Variants in SIRPB1 observed in about 807,000 individuals in gnomAD.
The protein encoded by SIRPB1 is signal regulatory protein beta 1, also known as signal-regulatory protein beta-1.
In SIRPB1, 28 loss-of-function variants were observed where a neutral mutation model predicts 34.1. That is an observed-to-expected ratio of 0.82 (90% CI 0.61 to 1.12). SIRPB1 has a LOEUF of 1.12. SIRPB1 is among the 50% of genes most tolerant of loss of function. The pLI, the probability that SIRPB1 is intolerant of heterozygous loss-of-function variation, is 0.00. For synonymous variants in SIRPB1, 211 were observed against 203.8 expected (o/e 1.04, Z -0.30); for missense variants, 499 against 507.0 (o/e 0.98, Z 0.15).
At chr20:1,614,652 C>A (rs1432114746) in intron 1 of SIRPB1, among the ~76,000 whole-genome samples, 1 of 152,050 alleles carries the variant, frequency 6.6e-6, no homozygotes, top group Non-Finnish European at 1.5e-5. Context: ...TCTCTAGGAA[C>A]TGTGAGTATG....
intron 4 of SIRPB1, chr20:1,570,469 CAGA>C (rs2091213377): frequency 5.0e-6 from 1 of 199,902 alleles, no homozygotes; most frequent in Non-Finnish European, 1.0e-5. Flanking sequence ...GCGAGAAATG[CAGA>C]AGAAGGCGAG....
intron 4 of SIRPB1, among the ~76,000 whole-genome samples, chr20:1,569,824 G>A (rs2122180075): frequency 6.6e-6 from 1 of 152,330 alleles, no homozygotes; most frequent in African/African-American, 2.4e-5. Flanking sequence ...TGAGATGTGG[G>A]AGGATGTATT....
Position 1,572,079 on chromosome 20 carries a change from G to T in SIRPB1, c.434-42C>A, listed in dbSNP as rs377547801. The T allele has an allele frequency of 4.7e-4, 764 of 1,612,810 alleles. 1 individual carries two copies. Among genetic ancestry groups the T allele is most frequent in the Non-Finnish European group, 6.0e-4 (713 of 1,179,120 alleles). On this transcript the variant is annotated intron_variant, in intron 2 of 5. Coordinates refer to ENST00000381605, the MANE Select transcript of SIRPB1 (RefSeq NM_006065.5). Reference sequence around the variant, plus strand: ...GATAATCAGGAGACATGACTCAGATGACCATCACTGATGATAAGCGTTTGA... The same window carrying T: ...GATAATCAGGAGACATGACTCAGATTACCATCACTGATGATAAGCGTTTGA...
chr20:1,566,106 GC>G (rs769283091), intron 5 of SIRPB1, 46 bp downstream of exon 5: 1 of 1,288,998 alleles, frequency 7.8e-7, no homozygotes, highest in Non-Finnish European at 1.1e-6. Flanking sequence ...TGCTGGCCTT[GC>G]CTTTCTGGAG....
chr20:1,578,867 C>T lies in SIRPB1; in HGVS notation c.77-173G>A, dbSNP rs1333630520. Among the ~76,000 whole-genome samples the T allele has an allele frequency of 2.0e-5, 3 of 148,558 alleles. 1 individual carries two copies. The highest frequency in any genetic ancestry group is 4.5e-5 in the Non-Finnish European group (3 of 66,286). On this transcript the variant is annotated intron_variant, in intron 1 of 5. Transcript: ENST00000381605. ...CTCACAACTGGCCTGTGACGTAAGA[C>T]TGTAATACAAGCGAGAACACTGAGG...
intron 4 of SIRPB1, among the ~76,000 whole-genome samples, chr20:1,569,416 T>C (rs902384308): frequency 6.6e-6 from 1 of 152,218 alleles, no homozygotes; most frequent in Non-Finnish European, 1.5e-5. Context: ...ATGACACTGG[T>C]TTTGTGAAAA....
In SIRPB1 at chr20:1,619,950, A is replaced by T. The variant is rs1275123080; in HGVS notation, c.-6T>A. ...CAGGAGGCTGGCACGGGCATTCTGG[A>T]GACCTTAGGAGCCTGCTCTGTCCAA... On this transcript the variant is annotated 5_prime_UTR_variant, in exon 1 of 6. Transcript: ENST00000381605. 6.2e-7 allele frequency: 1 copy of T among 1,612,450 alleles called. No individual in the cohort carries two copies. Among genetic ancestry groups the T allele is most frequent in the African/African-American group, 1.3e-5 (1 of 74,828 alleles).
Position 1,570,923 on chromosome 20 carries a change from G to A in SIRPB1, c.966C>T (p.His322=), listed in dbSNP as rs1174430019. Residue 322 remains histidine, a synonymous_variant, in exon 4 of 6, where the codon CAC becomes CAT. Transcript: ENST00000381605. ...MSWLLVNTCA[H]RDDVVLTCQV... ...GACAGGTGAGCACCACATCGTCCCT[G>A]TGGGCACAGGTGTTCACCAGGAGCC... 1.2e-6 allele frequency: 2 copies of A among 1,614,188 alleles called. No individual in the cohort carries two copies. Among genetic ancestry groups the A allele is most frequent in the South Asian group, 1.1e-5 (1 of 91,088 alleles).
rs977297089 is a variant in SIRPB1 at position 1,565,436 on chromosome 20, G to T, written c.*64C>A. The T allele has an allele frequency of 4.6e-5, 8 of 172,570 alleles. No homozygotes were observed. The East Asian group carries it at 6.1e-4, about 13-fold the overall frequency. The allele number at this position is 172,570 out of a possible 1,614,324, so 10.7% of individuals were successfully genotyped here. A position where few individuals can be genotyped will look rare whatever the true frequency, so the allele number is the denominator to read the frequency against. On this transcript the variant is annotated 3_prime_UTR_variant, in exon 6 of 6. Transcript: ENST00000381605. ...GGAGCTGAGTGTGGGGAAGGTTCTC[G>T]CCAGCTCCTTCTCTCAGGCTGAGCT...
rs2746609 is a variant in SIRPB1 at position 1,581,401 on chromosome 20, C to T, written c.77-2707G>A. ...GCCACAATTCCTCTTCTTGTCTTCC[C>T]CTACTGTGACCTAGTGACATTGAAA... On this transcript the variant is annotated intron_variant, in intron 1 of 5. Coordinates refer to ENST00000381605, the MANE Select transcript of SIRPB1 (RefSeq NM_006065.5). Among the ~76,000 whole-genome samples the T allele has an allele frequency of 8.6e-4, 41 of 47,914 alleles. 18 individuals are homozygous for T. Among genetic ancestry groups the T allele is most frequent in the African/African-American group, 5.2e-3 (37 of 7,144 alleles). The allele number at this position is 47,914 out of a possible 152,430, so 31.4% of individuals were successfully genotyped here.
chr20:1,616,388 G>C (rs562162065), intron 1 of SIRPB1, among the ~76,000 whole-genome samples: 1 of 152,280 alleles, frequency 6.6e-6, no homozygotes, highest in South Asian at 2.1e-4. Context: ...TCAGACCAGA[G>C]AGCCCAGATA....
intron 1 of SIRPB1, among the ~76,000 whole-genome samples, chr20:1,617,651 A>C (rs1235687389): frequency 5.9e-5 from 9 of 152,204 alleles, no homozygotes; most frequent in Admixed American, 5.9e-4. Flanking sequence ...CACAATTCGT[A>C]ACCTCAAAAA....
Position 1,612,488 on chromosome 20 carries a change from T to A in SIRPB1, c.76+7381A>T, listed in dbSNP as rs773217336. Among the ~76,000 whole-genome samples, 15 of 71,524 alleles carry A rather than the reference T, an allele frequency of 2.1e-4. 5 individuals carry two copies. The highest frequency in any genetic ancestry group is 1.8e-3 in the South Asian group (3 of 1,700). 46.9% of individuals were successfully genotyped at this position (71,524 alleles called of 152,430 possible). On this transcript the variant is annotated intron_variant, in intron 1 of 5. Coordinates refer to ENST00000381605, the MANE Select transcript of SIRPB1 (RefSeq NM_006065.5). The stretch of plus-strand genomic sequence containing the variant: ...ACCCTTGAGTTACGAGCAGAAGTGA[T>A]GGGTATAATTTGTGGGCTGTGCATG...
chr20:1,576,544 A>G (rs1416829784), intron 2 of SIRPB1, among the ~76,000 whole-genome samples: 2 of 148,058 alleles, frequency 1.4e-5, no homozygotes, highest in East Asian at 3.9e-4. Flanking sequence ...TCTGTCTTGT[A>G]AGGACCTTTC....
At chr20:1,614,062 G>A (rs1448090172) in intron 1 of SIRPB1, among the ~76,000 whole-genome samples, 2 of 152,168 alleles carry the variant, frequency 1.3e-5, no homozygotes, top group Admixed American at 6.5e-5. Context: ...CTTATACAAA[G>A]CACTGAAGGC....
At chr20:1,618,955 C>T (rs2091669435) in intron 1 of SIRPB1, among the ~76,000 whole-genome samples, 1 of 152,156 alleles carries the variant, frequency 6.6e-6, no homozygotes, top group Non-Finnish European at 1.5e-5. Context: ...GTTTGGGAGA[C>T]AGGGTCTTTA....
chr20:1,578,645 T>TA lies in SIRPB1; in HGVS notation c.125dup (p.Ser43IlefsTer27), dbSNP rs1568691624. On this transcript the variant is annotated frameshift_variant, in exon 2 of 6. Transcript: ENST00000381605. LOFTEE classifies it high-confidence loss of function. ...TGGCCGACTCTCCAGCTGCAACTGA[T>TA]ACGGACTTTTCAGGCTGAATCACCT... is the stretch of plus-strand genomic sequence containing the variant. 2 of 1,584,368 alleles carry TA rather than the reference T, an allele frequency of 1.3e-6. No homozygotes were observed. Among genetic ancestry groups the TA allele is most frequent in the East Asian group, 2.2e-5 (1 of 44,864 alleles).
chr20:1,569,622 C>T (rs557044535), intron 4 of SIRPB1, among the ~76,000 whole-genome samples: 9 of 152,342 alleles, frequency 5.9e-5, no homozygotes, highest in South Asian at 4.1e-4. Context: ...CAGGAGATGA[C>T]GCAAACATCA....
Position 1,562,159 on chromosome 20 carries a change from G to A in SIRPB1, c.*3341C>T, listed in dbSNP as rs1568674923. On this transcript the variant is annotated 3_prime_UTR_variant, in exon 6 of 6. Coordinates refer to ENST00000381605, the MANE Select transcript of SIRPB1 (RefSeq NM_006065.5). ...AGTCACTGTGGGTTTTGGTTTTGGGGTTGACTTTTTTTTCTTGTTAGCACT... is the reference window on the plus strand; with the variant it reads ...AGTCACTGTGGGTTTTGGTTTTGGGATTGACTTTTTTTTCTTGTTAGCACT... Among the ~76,000 whole-genome samples the A allele has an allele frequency of 6.6e-6, 1 of 152,036 alleles. No homozygotes were observed. The highest frequency in any genetic ancestry group is 2.1e-4 in the South Asian group (1 of 4,818).
Sources: allele counts gnomAD v4.1 joint callset (sites outside exome capture counted in the v4.1 genomes callset), GRCh38; gene constraint gnomAD v4.1.1; transcripts MANE v1.5; gene names NCBI Gene and HGNC (gene_info 2026-07-23, HGNC 2026-07-21).